TAS2R1: variants seen among roughly 807,000 people sequenced by gnomAD.
TAS2R1 encodes the protein taste receptor type 2 member 1.
For synonymous variants in TAS2R1, 141 were observed against 134.2 expected (o/e 1.05, Z -0.35); for missense variants, 370 against 353.4 (o/e 1.05, Z -0.38).
At chr5:9,744,135 C>T in the TAS2R1 span, among the ~76,000 whole-genome samples, 2 of 152,138 alleles carry the variant, frequency 1.3e-5, no homozygotes, top group Non-Finnish European at 2.9e-5. Flanking sequence ...AAGACCAGCT[C>T]AAGACACACT....
the TAS2R1 span, among the ~76,000 whole-genome samples, chr5:9,799,429 G>C: frequency 6.6e-6 from 1 of 152,168 alleles, no homozygotes; most frequent in African/African-American, 2.4e-5. Flanking sequence ...AGCCAAAACT[G>C]AGGGATCCTG....
At chr5:9,719,007 G>A in the TAS2R1 span, among the ~76,000 whole-genome samples, 35 of 152,328 alleles carry the variant, frequency 2.3e-4, no homozygotes, top group African/African-American at 6.7e-4. Flanking sequence ...GAGAAAAAGT[G>A]TTACAAAGGA....
At chr5:9,737,808 C>A in the TAS2R1 span, among the ~76,000 whole-genome samples, 1 of 152,190 alleles carries the variant, frequency 6.6e-6, no homozygotes, top group Non-Finnish European at 1.5e-5. Flanking sequence ...AGTCAAATTT[C>A]TTGTCTTCAT....
At chr5:9,716,264 G>A (rs550399013), upstream of TAS2R1, among the ~76,000 whole-genome samples, 2 of 152,212 alleles carry the variant, frequency 1.3e-5, no homozygotes, top group East Asian at 1.9e-4. Context: ...GTTCTGGGGT[G>A]GGGAAACTGG....
At chr5:9,691,171 C>A (rs1339922995) in intron 1 of TAS2R1, among the ~76,000 whole-genome samples, 1 of 152,342 alleles carries the variant, frequency 6.6e-6, no homozygotes, top group East Asian at 1.9e-4. Flanking sequence ...AATCCGGTCA[C>A]ATGTGTCCTC....
At chr5:9,876,895 T>C in the TAS2R1 span, among the ~76,000 whole-genome samples, 1 of 152,212 alleles carries the variant, frequency 6.6e-6, no homozygotes, top group Non-Finnish European at 1.5e-5. Context: ...AGCACTCACG[T>C]GTTCGATTCC....
chr5:9,733,587 G>C, the TAS2R1 span, among the ~76,000 whole-genome samples: 1 of 152,162 alleles, frequency 6.6e-6, no homozygotes, highest in Non-Finnish European at 1.5e-5. Context: ...ATTAGCATTT[G>C]GCTTCCAAGC....
intron 2 of TAS2R1, chr5:9,641,623 C>A (rs536133082): frequency 5.9e-5 from 9 of 152,340 alleles, no homozygotes; most frequent in South Asian, 2.1e-4. Context: ...GGGGTGAAGA[C>A]CCCCAAGGAC....
At chr5:9,752,797 T>A in the TAS2R1 span, among the ~76,000 whole-genome samples, 1 of 144,314 alleles carries the variant, frequency 6.9e-6, no homozygotes, top group Non-Finnish European at 1.5e-5. Flanking sequence ...GAACATGCGG[T>A]GTTTAGTTTT....
the TAS2R1 span, among the ~76,000 whole-genome samples, chr5:9,724,919 C>T: frequency 1.3e-5 from 2 of 152,210 alleles, no homozygotes; most frequent in Non-Finnish European, 2.9e-5. Flanking sequence ...ATTATAGAAC[C>T]ATGCAAGTGT....
chr5:9,748,950 G>A, the TAS2R1 span, among the ~76,000 whole-genome samples: 1 of 152,010 alleles, frequency 6.6e-6, no homozygotes, highest in African/African-American at 2.4e-5. Context: ...TACCCAGCCA[G>A]GGCCAACTTT....
intron 1 of TAS2R1, among the ~76,000 whole-genome samples, chr5:9,708,636 G>T (rs889944025): frequency 2.0e-5 from 3 of 151,582 alleles, no homozygotes; most frequent in African/African-American, 7.3e-5. Flanking sequence ...ACTGCTACCT[G>T]GGTTTACGCC....
At chr5:9,693,490 C>T (rs540602080) in intron 1 of TAS2R1, among the ~76,000 whole-genome samples, 3 of 135,166 alleles carry the variant, frequency 2.2e-5, no homozygotes, top group African/African-American at 5.8e-5. Context: ...CACCATTACA[C>T]TCCAGCCTGG....
At chr5:9,791,514 C>A in the TAS2R1 span, among the ~76,000 whole-genome samples, 1 of 152,102 alleles carries the variant, frequency 6.6e-6, no homozygotes, top group Admixed American at 6.5e-5. Flanking sequence ...ACCTGGGCAA[C>A]ACAGTGAAAC....
At chr5:9,814,715 AAGG>A in the TAS2R1 span, among the ~76,000 whole-genome samples, 1 of 152,198 alleles carries the variant, frequency 6.6e-6, no homozygotes, top group Non-Finnish European at 1.5e-5. Context: ...TCAGTGGACT[AAGG>A]AGAAGATGAA....
At chr5:9,719,910 T>C in the TAS2R1 span, among the ~76,000 whole-genome samples, 1 of 126,940 alleles carries the variant, frequency 7.9e-6, no homozygotes, top group Non-Finnish European at 1.6e-5. Flanking sequence ...AGAGCGAAGA[T>C]TCCGATTCAA....
chr5:9,631,735 T>A (rs1181922242), upstream of TAS2R1, among the ~76,000 whole-genome samples: 1 of 152,238 alleles, frequency 6.6e-6, no homozygotes, highest in Non-Finnish European at 1.5e-5. Flanking sequence ...AAGATTAATC[T>A]TATTTTTAGA....
upstream of TAS2R1, among the ~76,000 whole-genome samples, chr5:9,714,577 A>G (rs1304415165): frequency 6.6e-6 from 1 of 152,216 alleles, no homozygotes; most frequent in East Asian, 1.9e-4. Flanking sequence ...TCTTTGGAGG[A>G]TCAATATGAA....
At chr5:9,672,628 A>T in intron 1 of TAS2R1, among the ~76,000 whole-genome samples, 1 of 152,330 alleles carries the variant, frequency 6.6e-6, no homozygotes, top group East Asian at 1.9e-4. Context: ...AAAGTAAAAA[A>T]TAACAGATGC....
Sources: gnomAD v4.1 joint callset for allele counts (sites outside exome capture counted in the v4.1 genomes callset) on GRCh38, gnomAD v4.1.1 for gene constraint, MANE v1.5 for transcripts, NCBI Gene and HGNC (gene_info 2026-07-23, HGNC 2026-07-21) for gene names.